TMEM132C: variants seen among roughly 807,000 people sequenced by gnomAD.
TMEM132C encodes protein phosphatase 1, regulatory subunit 152.
In TMEM132C, 29 loss-of-function variants were observed where a neutral mutation model predicts 61.4. The observed-to-expected ratio is 0.47, with a 90% CI of 0.35 to 0.64. The LOEUF is 0.64. Among genes scored for constraint, TMEM132C ranks in the 30% least tolerant of loss-of-function variants. The pLI is 0.00. For missense variants in TMEM132C, 1,408 were observed against 1,476.9 expected (o/e 0.95, Z 0.76); for synonymous variants, 656 against 633.1 (o/e 1.04, Z -0.54).
At chr12:128,690,321 G>A (rs1392447769) in intron 5 of TMEM132C, among the ~76,000 whole-genome samples, 1 of 152,168 alleles carries the variant, frequency 6.6e-6, no homozygotes, top group East Asian at 1.9e-4. Context: ...GTGGGGTTTT[G>A]GTTCCTTTTT....
chr12:128,269,976 G>A (rs576553246), intron 1 of TMEM132C, among the ~76,000 whole-genome samples: 1 of 152,190 alleles, frequency 6.6e-6, no homozygotes. Flanking sequence ...TTCGGAAAAG[G>A]CAGAATTGTT....
rs368047403 is a variant in TMEM132C at position 128,310,560 on chromosome 12, A to G, written c.85+43073A>G. 9.9e-5 allele frequency among the ~76,000 whole-genome samples: 15 copies of G among 152,140 alleles called. No individual in the cohort carries two copies. In the East Asian group the frequency reaches 1.7e-3, roughly 18 times the overall value. On this transcript the variant is annotated intron_variant, in intron 1 of 8. Transcript: ENST00000435159. ...TGGGGTCGGGGGTTTGCCACACGCT[A>G]TTACACCACCTTCCATGAACTCAGA...
intron 2 of TMEM132C, among the ~76,000 whole-genome samples, chr12:128,460,317 T>C (rs1343196811): frequency 1.3e-5 from 2 of 152,204 alleles, no homozygotes; most frequent in Non-Finnish European, 2.9e-5. Flanking sequence ...CCTGCTTTCT[T>C]CTGTGATGGC....
intron 1 of TMEM132C, among the ~76,000 whole-genome samples, chr12:128,294,425 C>A (rs576134890): frequency 3.2e-4 from 48 of 152,280 alleles, no homozygotes; most frequent in Non-Finnish European, 6.5e-4. Flanking sequence ...ACTTCCTCTC[C>A]CTCTCTAATT....
intron 2 of TMEM132C, among the ~76,000 whole-genome samples, chr12:128,525,689 A>T (rs1873064276): frequency 6.6e-6 from 1 of 152,068 alleles, no homozygotes; most frequent in Non-Finnish European, 1.5e-5. Flanking sequence ...GCTGGAAGTG[A>T]CTCAGCCTCT....
intron 4 of TMEM132C, among the ~76,000 whole-genome samples, chr12:128,653,159 A>C (rs1954289436): frequency 6.6e-6 from 1 of 152,112 alleles, no homozygotes; most frequent in Admixed American, 6.5e-5. Context: ...TGATGAAAGA[A>C]GCCAGGCACA....
At chr12:128,449,317 G>T (rs1593057670) in intron 2 of TMEM132C, among the ~76,000 whole-genome samples, 1 of 151,970 alleles carries the variant, frequency 6.6e-6, no homozygotes, top group East Asian at 1.9e-4. Context: ...TCCCTATAGT[G>T]CCTCCCAGAC....
chr12:128,423,729 C>T (rs73159847), intron 2 of TMEM132C, among the ~76,000 whole-genome samples: 2,888 of 151,682 alleles, frequency 0.019, 42 homozygotes, highest in Middle Eastern at 0.031. Context: ...AAGTGGATTT[C>T]ACCTCCTTTA....
At chr12:128,606,266 G>A (rs912316923) in intron 3 of TMEM132C, among the ~76,000 whole-genome samples, 10 of 152,222 alleles carry the variant, frequency 6.6e-5, no homozygotes, top group African/African-American at 2.2e-4. Flanking sequence ...ATCCTGCATG[G>A]AAAATAAAAA....
chr12:128,457,743 G>A (rs917450943), intron 2 of TMEM132C, among the ~76,000 whole-genome samples: 3 of 152,104 alleles, frequency 2.0e-5, no homozygotes, highest in Non-Finnish European at 2.9e-5. Context: ...AAACTTCAAA[G>A]GTCCAAGAGA....
chr12:128,701,973 C>T (rs1424846876), intron 8 of TMEM132C, among the ~76,000 whole-genome samples: 1 of 149,994 alleles, frequency 6.7e-6, no homozygotes, highest in African/African-American at 2.5e-5. Flanking sequence ...GATCTTGGCT[C>T]ACTGCAACCT....
At chr12:128,391,956 C>T (rs1291818822) in intron 1 of TMEM132C, among the ~76,000 whole-genome samples, 1 of 152,108 alleles carries the variant, frequency 6.6e-6, no homozygotes, top group Non-Finnish European at 1.5e-5. Context: ...TCAATTTTGC[C>T]TCTTGTCATA....
chr12:128,361,439 C>T (rs918184532), intron 1 of TMEM132C, among the ~76,000 whole-genome samples: 2 of 152,092 alleles, frequency 1.3e-5, no homozygotes, highest in Non-Finnish European at 2.9e-5. Flanking sequence ...ATCAGAAGTG[C>T]CTGCCTGACC....
At position 128,629,970 on chromosome 12, in the gene TMEM132C, T is replaced by TAAA. The variant is rs35956352; in HGVS notation, c.1305+13648_1305+13650dup. ...GACAAGAGCAAAACTCCGTCTAAATTAAAAAAAAAAAAAAAGGCAAGAGGG... is the reference window on the plus strand; with the variant it reads ...GACAAGAGCAAAACTCCGTCTAAATTAAAAAAAAAAAAAAAAAAGGCAAGAGGG... On this transcript the variant is annotated intron_variant, in intron 4 of 8. Coordinates refer to ENST00000435159, the MANE Select transcript of TMEM132C (RefSeq NM_001136103.3). 7.6e-4 allele frequency among the ~76,000 whole-genome samples: 103 copies of TAAA among 135,012 alleles called. 1 individual carries two copies. The highest frequency in any genetic ancestry group is 1.5e-3 in the South Asian group (6 of 4,062). The allele number at this position is 135,012 out of a possible 152,430, so 88.6% of individuals were successfully genotyped here.
intron 2 of TMEM132C, among the ~76,000 whole-genome samples, chr12:128,477,964 A>G (rs946137566): frequency 2.6e-5 from 4 of 152,176 alleles, no homozygotes; most frequent in African/African-American, 9.6e-5. Flanking sequence ...GCAAGAACAT[A>G]TGTTTATCCA....
intron 2 of TMEM132C, among the ~76,000 whole-genome samples, chr12:128,478,197 C>A (rs191422761): frequency 7.2e-5 from 11 of 152,324 alleles, no homozygotes; most frequent in Non-Finnish European, 5.9e-5. Flanking sequence ...TGCAGATAGA[C>A]GCGTAATGAA....
At chr12:128,685,641 C>T (rs1488814065) in intron 5 of TMEM132C, among the ~76,000 whole-genome samples, 1 of 152,182 alleles carries the variant, frequency 6.6e-6, no homozygotes, top group Non-Finnish European at 1.5e-5. Context: ...AAAGCCAAGT[C>T]CAGCAACAAT....
intron 2 of TMEM132C, among the ~76,000 whole-genome samples, chr12:128,442,304 C>T (rs1212279300): frequency 2.0e-5 from 3 of 152,194 alleles, no homozygotes; most frequent in Admixed American, 6.5e-5. Flanking sequence ...TTGAATGAGA[C>T]AGATCCAGTG....
chr12:128,446,097 C>T (rs1186026848), intron 2 of TMEM132C, among the ~76,000 whole-genome samples: 3 of 152,090 alleles, frequency 2.0e-5, no homozygotes, highest in Non-Finnish European at 4.4e-5. Context: ...TATCTTCAGC[C>T]GAAATTATTT....
Sources: gnomAD v4.1 joint callset for allele counts (sites outside exome capture counted in the v4.1 genomes callset) on GRCh38, gnomAD v4.1.1 for gene constraint, MANE v1.5 for transcripts, NCBI Gene and HGNC (gene_info 2026-07-23, HGNC 2026-07-21) for gene names.